NLRP7: variants seen among roughly 807,000 people sequenced by gnomAD.
The protein encoded by NLRP7 is NACHT, LRR and PYD domains-containing protein 7.
Under a neutral mutation model 85.5 loss-of-function variants are expected in NLRP7, and 72 were observed. The ratio of observed to expected loss-of-function variants is 0.84; its 90% confidence interval spans 0.70 to 1.02. NLRP7 has a LOEUF of 1.02. Among genes scored for constraint, NLRP7 ranks in the 50% least tolerant of loss-of-function variants. The pLI is 0.00. For synonymous variants in NLRP7, 550 were observed against 505.2 expected, an observed-to-expected ratio of 1.09 and a Z score of -1.19; for missense variants, 1,243 against 1,219.5, an observed-to-expected ratio of 1.02 and a Z score of -0.29.
chr19:54,954,582 C>T (rs1486998682), intron 1 of NLRP7, among the ~76,000 whole-genome samples: 2 of 150,608 alleles, frequency 1.3e-5, no homozygotes, highest in African/African-American at 4.9e-5. Context: ...TGGTGGCTTA[C>T]GCCTGTAATC....
At chr19:54,964,660 T>C (rs964833074) in intron 1 of NLRP7, among the ~76,000 whole-genome samples, 2 of 149,876 alleles carry the variant, frequency 1.3e-5, no homozygotes, top group African/African-American at 2.4e-5. Context: ...CCGTCTCTAT[T>C]GAAAAAAATA....
chr19:54,959,451 C>G (rs910788992), intron 1 of NLRP7, among the ~76,000 whole-genome samples: 4 of 148,840 alleles, frequency 2.7e-5, no homozygotes, highest in Admixed American at 1.3e-4. Context: ...TGTTTTTTTT[C>G]TAAAACAAGT....
intron 1 of NLRP7, among the ~76,000 whole-genome samples, chr19:54,943,373 A>G (rs914662999): frequency 9.2e-5 from 14 of 152,074 alleles, no homozygotes; most frequent in Non-Finnish European, 1.5e-4. Context: ...AGGCCGAGGC[A>G]GGCGGATCAC....
At chr19:54,955,103 G>A (rs1165043680) in intron 1 of NLRP7, among the ~76,000 whole-genome samples, 6 of 152,064 alleles carry the variant, frequency 3.9e-5, no homozygotes, top group South Asian at 2.1e-4. Context: ...CAAGGCTGGC[G>A]GATCACCTGA....
intron 1 of NLRP7, among the ~76,000 whole-genome samples, chr19:54,958,364 G>A (rs1043976245): frequency 3.2e-4 from 49 of 151,958 alleles, no homozygotes; most frequent in Admixed American, 4.6e-4. Context: ...TAGTATTGCC[G>A]GGTGCAGTGG....
chr19:54,945,913 C>T (rs2069449140), intron 1 of NLRP7, among the ~76,000 whole-genome samples: 1 of 151,956 alleles, frequency 6.6e-6, no homozygotes, highest in Non-Finnish European at 1.5e-5. Context: ...CCTCAGCCTC[C>T]CAAGTAGCTG....
At position 54,940,465 on chromosome 19, in the gene NLRP7, A is replaced by C. The variant is rs201923645; in HGVS notation, c.354T>G (p.Gly118=). 9.9e-5 allele frequency: 159 copies of C among 1,613,224 alleles called. 1 individual carries two copies. The highest frequency in any genetic ancestry group is 1.7e-6 in the Non-Finnish European group (2 of 1,179,820). ...TTGAATTTCTCCATCCTTCCTTTTC[A>C]CCTGCAGTGACAGCCCATAGGACAG... The change falls in exon 4 of 10, where the codon GGT becomes GGG. Residue 118 remains glycine, a splice_region_variant and synonymous_variant. Transcript: ENST00000340844.
intron 1 of NLRP7, among the ~76,000 whole-genome samples, chr19:54,962,241 C>T (rs556696091): frequency 1.3e-5 from 2 of 149,032 alleles, no homozygotes; most frequent in East Asian, 4.0e-4. Context: ...CATTTTCATT[C>T]ATCCTTCCTA....
chr19:54,930,633 A>G, exon 9 of NLRP7: 1 of 1,613,498 alleles, frequency 6.2e-7, no homozygotes, highest in Non-Finnish European at 8.5e-7. Context: ...AGAGATATCT[A>G]CAGCCAAGCT....
At chr19:54,943,847 C>T (rs909123030) in intron 1 of NLRP7, among the ~76,000 whole-genome samples, 1 of 152,116 alleles carries the variant, frequency 6.6e-6, no homozygotes, top group African/African-American at 2.4e-5. Flanking sequence ...CCTTGAGATG[C>T]TGTTAACCTG....
chr19:54,923,697 G>A (rs538669090), exon 10 of NLRP7: 21 of 1,610,286 alleles, frequency 1.3e-5, no homozygotes, highest in African/African-American at 5.3e-5. Flanking sequence ...TTAGAGACCC[G>A]AATCCCGCTT....
Position 54,938,880 on chromosome 19 carries a change from G to A in NLRP7, c.1931+8C>T, listed in dbSNP as rs564607375. Reference sequence around the variant, plus strand: ...TAGTGGAGCGTGGGATGGGAAAACAGTTCTTACCTTTCAAATTCAATGTCC... The same window carrying A: ...TAGTGGAGCGTGGGATGGGAAAACAATTCTTACCTTTCAAATTCAATGTCC... On this transcript the variant is annotated splice_region_variant and intron_variant, in intron 4 of 9. Transcript: ENST00000340844. The A allele has an allele frequency of 1.9e-6, 3 of 1,613,888 alleles. No homozygotes were observed. The highest frequency in any genetic ancestry group is 1.7e-5 in the Admixed American group (1 of 60,016).
chr19:54,953,238 G>C (rs766923437), intron 1 of NLRP7: 1 of 152,118 alleles, frequency 6.6e-6, no homozygotes, highest in Non-Finnish European at 1.5e-5. Context: ...GGGTTTATCC[G>C]GCCAGGGGCA....
chr19:54,956,724 C>T (rs888071692), intron 1 of NLRP7, among the ~76,000 whole-genome samples: 1 of 151,410 alleles, frequency 6.6e-6, no homozygotes, highest in South Asian at 2.1e-4. Context: ...CGCAGTGGCT[C>T]ACGCCTATAA....
At chr19:54,933,840 C>T in intron 7 of NLRP7, 101 bp from the exon 8 acceptor site, 1 of 1,003,994 alleles carries the variant, frequency 1.0e-6, no homozygotes, top group Non-Finnish European at 1.6e-6. Context: ...TTCAGCCCTT[C>T]CTGTTCATCC....
At chr19:54,936,492 T>C (rs1045481189) in intron 5 of NLRP7, 61 bp from the exon 6 acceptor site, 13 of 1,384,876 alleles carry the variant, frequency 9.4e-6, no homozygotes, top group South Asian at 4.6e-5. Flanking sequence ...TGTGGAGGCA[T>C]GTATAAACAA....
chr19:54,960,402 C>T, intron 1 of NLRP7, among the ~76,000 whole-genome samples: 1 of 151,594 alleles, frequency 6.6e-6, no homozygotes, highest in South Asian at 2.1e-4. Flanking sequence ...GTGATCCACC[C>T]ATCTCAGCCT....
At chr19:54,964,588 T>C (rs2070250448) in intron 1 of NLRP7, among the ~76,000 whole-genome samples, 1 of 151,834 alleles carries the variant, frequency 6.6e-6, no homozygotes, top group Non-Finnish European at 1.5e-5. Flanking sequence ...TTTAGGAGGC[T>C]GAGGCTGGCA....
rs1202444821 is a variant in NLRP7, at chr19:54,954,362, T to TA, written c.-76-6858dup. On this transcript the variant is annotated intron_variant, in intron 1 of 2. Coordinates refer to the NLRP7 transcript ENST00000587103. ...TAACACGGTGAAATCCCATCTCTAC[T>TA]AAAAAAAAATACAACTAATTAGCTG... Among the ~76,000 whole-genome samples the TA allele has an allele frequency of 4.8e-3, 680 of 141,518 alleles. 31 individuals are homozygous for TA. The highest frequency in any genetic ancestry group is 0.018 in the East Asian group (89 of 4,920). 92.8% of individuals were successfully genotyped at this position (141,518 alleles called of 152,430 possible). A position where few individuals can be genotyped will look rare whatever the true frequency, so the allele number is the denominator to read the frequency against.
Sources: allele counts gnomAD v4.1 joint callset (sites outside exome capture counted in the v4.1 genomes callset), GRCh38; gene constraint gnomAD v4.1.1; transcripts MANE v1.5; gene names NCBI Gene and HGNC (gene_info 2026-07-23, HGNC 2026-07-21).